CLNK: variants seen among roughly 807,000 people sequenced by gnomAD.
CLNK encodes the protein cytokine dependent hematopoietic cell linker, also known as cytokine-dependent hematopoietic cell linker.
A neutral mutation model predicts 68.6 loss-of-function variants in CLNK; 74 were observed. The ratio of observed to expected loss-of-function variants is 1.08; its 90% CI spans 0.89 to 1.31. CLNK has a LOEUF of 1.31. Ranked by LOEUF, CLNK falls within the 50% of genes most tolerant of loss-of-function variation. The pLI is 0.00. For synonymous variants in CLNK, 198 were observed against 172.2 expected (o/e 1.15, Z -1.17); for missense variants, 553 against 515.3 (o/e 1.07, Z -0.71).
chr4:10,580,376 T>G (rs1720733965), intron 4 of CLNK, among the ~76,000 whole-genome samples: 1 of 152,220 alleles, frequency 6.6e-6, no homozygotes, highest in South Asian at 2.1e-4. Context: ...TACTTTTTAT[T>G]GTTATTTTAA....
the CLNK span, among the ~76,000 whole-genome samples, chr4:10,730,132 T>C: frequency 6.6e-6 from 1 of 152,146 alleles, no homozygotes; most frequent in Non-Finnish European, 1.5e-5. Context: ...CGCCACTGCA[T>C]CATGAGTGTT....
At chr4:10,564,310 T>C (rs1485956815) in intron 7 of CLNK, among the ~76,000 whole-genome samples, 3 of 152,164 alleles carry the variant, frequency 2.0e-5, no homozygotes, top group Non-Finnish European at 4.4e-5. Context: ...TAATTTACCA[T>C]GTTGGGCCGA....
chr4:10,515,107 G>A (rs1298142787), intron 15 of CLNK, among the ~76,000 whole-genome samples: 12 of 151,956 alleles, frequency 7.9e-5, no homozygotes, highest in East Asian at 1.9e-4. Context: ...GCATGGTGGC[G>A]TGCTCCTGTA....
At position 10,490,705 on chromosome 4, in the gene CLNK, A is replaced by G. The variant is rs1716533152; in HGVS notation, c.1141-92T>C. The G allele has an allele frequency of 2.3e-5, 23 of 1,000,578 alleles. No homozygotes were observed. In the South Asian group the frequency reaches 3.9e-4, roughly 17 times the overall value. 62.0% of individuals were successfully genotyped at this position (1,000,578 alleles called of 1,614,324 possible). A position where few individuals can be genotyped will look rare whatever the true frequency, so the allele number is the denominator to read the frequency against. On this transcript the variant is annotated intron_variant, in intron 18 of 18. Coordinates refer to ENST00000226951, the MANE Select transcript of CLNK (RefSeq NM_052964.4). ...CCAAGGTGCTTCATTTTGCATGGGG[A>G]AGAGGTGAACCAATTTAACAATGTT...
At chr4:10,681,774 C>A (rs61794277) in intron 1 of CLNK, among the ~76,000 whole-genome samples, 2 of 152,066 alleles carry the variant, frequency 1.3e-5, no homozygotes, top group Non-Finnish European at 2.9e-5. Context: ...AGCACCATGC[C>A]GAGAGCAGGA....
chr4:10,680,990 T>C (rs1725074823), intron 1 of CLNK, among the ~76,000 whole-genome samples: 1 of 151,926 alleles, frequency 6.6e-6, no homozygotes, highest in Admixed American at 6.6e-5. Context: ...CGTCCTGATA[T>C]ATATATATAT....
At chr4:10,731,228 A>C in the CLNK span, among the ~76,000 whole-genome samples, 1 of 152,214 alleles carries the variant, frequency 6.6e-6, no homozygotes, top group African/African-American at 2.4e-5. Flanking sequence ...AAATTTGCAC[A>C]ATCATTATGT....
chr4:10,651,400 G>A (rs1723730317), intron 2 of CLNK, among the ~76,000 whole-genome samples: 1 of 152,130 alleles, frequency 6.6e-6, no homozygotes, highest in Admixed American at 6.6e-5. Context: ...CCTTTGCAGG[G>A]ACATGGATAA....
intron 2 of CLNK, among the ~76,000 whole-genome samples, chr4:10,611,237 G>C (rs1203586129): frequency 1.3e-5 from 2 of 152,238 alleles, no homozygotes; most frequent in Non-Finnish European, 2.9e-5. Context: ...AGAATCGCTT[G>C]AACCCAGGAG....
chr4:10,725,249 T>C, the CLNK span, among the ~76,000 whole-genome samples: 143,251 of 152,094 alleles, frequency 0.94, 67,607 homozygotes, highest in East Asian at 1. Flanking sequence ...AGCACACCCT[T>C]TCCACTCTGC....
At chr4:10,662,909 T>G (rs1426148594) in intron 2 of CLNK, among the ~76,000 whole-genome samples, 1 of 152,234 alleles carries the variant, frequency 6.6e-6, no homozygotes. Flanking sequence ...TAAGCCTTAT[T>G]TCAAAGTGGA....
the CLNK span, among the ~76,000 whole-genome samples, chr4:10,715,074 T>G: frequency 6.6e-6 from 1 of 152,190 alleles, no homozygotes; most frequent in Non-Finnish European, 1.5e-5. Context: ...ATAAATTGCC[T>G]CAAATACTTT....
chr4:10,503,870 C>A (rs1717166420), intron 17 of CLNK, among the ~76,000 whole-genome samples: 1 of 145,580 alleles, frequency 6.9e-6, no homozygotes, highest in Non-Finnish European at 1.5e-5. Context: ...GCAACCTCCG[C>A]CTCCAGGGTT....
At chr4:10,539,846 C>G (rs1053637307) in intron 11 of CLNK, among the ~76,000 whole-genome samples, 5 of 152,168 alleles carry the variant, frequency 3.3e-5, no homozygotes, top group African/African-American at 1.2e-4. Flanking sequence ...AATCTGAATC[C>G]CCTTTCAGTT....
At chr4:10,513,353 G>A (rs1046105848) in intron 16 of CLNK, 111 bp downstream of exon 16, 11 of 991,602 alleles carry the variant, frequency 1.1e-5, no homozygotes, top group East Asian at 8.5e-5. Flanking sequence ...TAGCCAGAAG[G>A]GAAAAAGTTA....
chr4:10,728,514 C>T, the CLNK span, among the ~76,000 whole-genome samples: 2 of 151,652 alleles, frequency 1.3e-5, no homozygotes, highest in East Asian at 1.9e-4. Flanking sequence ...CAACAGGTAC[C>T]TTTACCAAAG....
rs113233019 is a variant in CLNK at position 10,682,329 on chromosome 4, G to T, written c.-43+2339C>A. Among the ~76,000 whole-genome samples the T allele has an allele frequency of 2.6e-5, 4 of 152,204 alleles. No individual in the cohort carries two copies. The East Asian group carries it at 7.7e-4, about 29-fold the overall frequency. ...TTATGTTTCTTTGTCATGCTAGGAG[G>T]GTAGGTACAGCCTAGAAGAACTCTG... On this transcript the variant is annotated intron_variant, in intron 1 of 18. Transcript: ENST00000226951.
chr4:10,620,098 A>G lies in CLNK; in HGVS notation c.12-22049T>C, dbSNP rs556869826. Reference sequence around the variant, plus strand: ...CAAGTGAGAAATTCTGCGCATCAAGAAAAGGGGAGAGAACTGAGCATGCGT... The same window carrying G: ...CAAGTGAGAAATTCTGCGCATCAAGGAAAGGGGAGAGAACTGAGCATGCGT... On this transcript the variant is annotated intron_variant, in intron 2 of 18. Coordinates refer to ENST00000226951, the MANE Select transcript of CLNK (RefSeq NM_052964.4). Among the ~76,000 whole-genome samples the G allele has an allele frequency of 1.3e-4, 20 of 152,216 alleles. No homozygotes were observed. The East Asian group carries it at 3.7e-3, about 28-fold the overall frequency.
At chr4:10,652,640 A>G (rs770847381) in intron 2 of CLNK, among the ~76,000 whole-genome samples, 6 of 152,200 alleles carry the variant, frequency 3.9e-5, no homozygotes, top group African/African-American at 7.2e-5. Context: ...TTAGTTCACC[A>G]GGAGGGAATA....
Sources: allele counts gnomAD v4.1 joint callset (sites outside exome capture counted in the v4.1 genomes callset), GRCh38; gene constraint gnomAD v4.1.1; transcripts MANE v1.5; gene names NCBI Gene and HGNC (gene_info 2026-07-23, HGNC 2026-07-21).